Variants in PPP4R3B observed in about 807,000 individuals in gnomAD.
PPP4R3B encodes serine/threonine-protein phosphatase 4 regulatory subunit 3B.
In PPP4R3B, 52 loss-of-function variants were observed where a neutral mutation model predicts 95.4. That is an observed-to-expected ratio of 0.54 (90% CI 0.44 to 0.69). The LOEUF is 0.69. Ranked by LOEUF, PPP4R3B falls within the 30% of genes least tolerant of loss-of-function variation. The pLI is 0.00. For missense variants in PPP4R3B, 1,003 were observed against 1,005.9 expected (o/e 1.00, Z 0.04); for synonymous variants, 407 against 343.9 (o/e 1.18, Z -2.03).
intron 12 of PPP4R3B, among the ~76,000 whole-genome samples, chr2:55,570,140 C>T (rs1164303008): frequency 6.6e-6 from 1 of 152,104 alleles, no homozygotes; most frequent in Admixed American, 6.5e-5. Flanking sequence ...GTCCCAGCTA[C>T]TCGGGAGGCT....
At chr2:55,614,153 G>GT (rs1694579407) in intron 2 of PPP4R3B, 2 of 152,284 alleles carry the variant, frequency 1.3e-5, no homozygotes, top group South Asian at 4.1e-4. Flanking sequence ...TGTTCTAACA[G>GT]TAAGACTTTG....
At chr2:55,562,323 G>A (rs2103902736) in intron 15 of PPP4R3B, among the ~76,000 whole-genome samples, 1 of 152,288 alleles carries the variant, frequency 6.6e-6, no homozygotes, top group Non-Finnish European at 1.5e-5. Flanking sequence ...TTGAGAGGCT[G>A]AGGCAGGAGA....
At chr2:55,563,182 CT>C (rs1686846419) in intron 15 of PPP4R3B, among the ~76,000 whole-genome samples, 1 of 152,170 alleles carries the variant, frequency 6.6e-6, no homozygotes, top group Non-Finnish European at 1.5e-5. Context: ...TTTTAATAAG[CT>C]TTTTGCTCCG....
At chr2:55,555,640 C>T (rs987374688) in intron 16 of PPP4R3B, among the ~76,000 whole-genome samples, 4 of 152,080 alleles carry the variant, frequency 2.6e-5, no homozygotes, top group South Asian at 2.1e-4. Flanking sequence ...GAAATACACA[C>T]GTATATGAAA....
At chr2:55,594,650 G>A (rs532426616) in intron 4 of PPP4R3B, among the ~76,000 whole-genome samples, 5 of 152,300 alleles carry the variant, frequency 3.3e-5, no homozygotes, top group Admixed American at 1.3e-4. Context: ...AGCTACATAT[G>A]AGCTTCTGTT....
intron 11 of PPP4R3B, 117 bp downstream of exon 11, chr2:55,577,198 T>C: frequency 2.4e-6 from 3 of 1,269,400 alleles, no homozygotes; most frequent in Non-Finnish European, 3.1e-6. Context: ...AATTTCTTCT[T>C]GGATTTTGTT....
intron 16 of PPP4R3B, among the ~76,000 whole-genome samples, chr2:55,555,001 C>T (rs972231986): frequency 3.9e-5 from 6 of 152,086 alleles, no homozygotes; most frequent in Admixed American, 6.5e-5. Context: ...GGTATTGTGG[C>T]CGGGCGCGGT....
At chr2:55,553,301 T>C (rs1685455940) in intron 16 of PPP4R3B, among the ~76,000 whole-genome samples, 1 of 152,168 alleles carries the variant, frequency 6.6e-6, no homozygotes, top group Non-Finnish European at 1.5e-5. Context: ...CTAACAACCA[T>C]TCTTATACTT....
At chr2:55,579,405 TTC>T (rs1056213153) in intron 9 of PPP4R3B, among the ~76,000 whole-genome samples, 3 of 108 alleles carry the variant, frequency 0.028, no homozygotes, top group Non-Finnish European at 0.056. Context: ...TTGCCACATT[TTC>T]TTTTTTTTCT....
At position 55,611,220 on chromosome 2, in the gene PPP4R3B, G is replaced by C. The variant is rs546105961; in HGVS notation, c.198+4231C>G. Among the ~76,000 whole-genome samples, 82 of 152,094 alleles carry C rather than the reference G, an allele frequency of 5.4e-4. 1 individual carries two copies. Among genetic ancestry groups the C allele is most frequent in the African/African-American group, 1.9e-3 (80 of 41,478 alleles). On this transcript the variant is annotated intron_variant, in intron 2 of 16. Transcript: ENST00000616407. ...GGCTGGGGTGCAATGGCTACGCACA[G>C]GCACAATCATAGCACCCTACAGCCT...
At chr2:55,609,078 A>T (rs544521502) in intron 2 of PPP4R3B, among the ~76,000 whole-genome samples, 3 of 152,354 alleles carry the variant, frequency 2.0e-5, no homozygotes, top group African/African-American at 7.2e-5. Flanking sequence ...ATGTGGTCAG[A>T]TCAACAAGAC....
intron 4 of PPP4R3B, chr2:55,591,662 A>G (rs1027668808): frequency 1.0e-6 from 1 of 984,692 alleles, no homozygotes; most frequent in Non-Finnish European, 1.2e-6. Context: ...AATTCTTCTT[A>G]TATGATTCGG....
intron 2 of PPP4R3B, among the ~76,000 whole-genome samples, chr2:55,610,693 G>A (rs1350309399): frequency 6.6e-6 from 1 of 152,188 alleles, no homozygotes; most frequent in East Asian, 1.9e-4. Flanking sequence ...TGTGTGAAAT[G>A]CTTTCACGGG....
At chr2:55,576,283 G>C (rs1357727378) in intron 11 of PPP4R3B, among the ~76,000 whole-genome samples, 1 of 152,108 alleles carries the variant, frequency 6.6e-6, no homozygotes, top group African/African-American at 2.4e-5. Flanking sequence ...AGAAGGTGGA[G>C]GTTGCAGTGA....
intron 2 of PPP4R3B, chr2:55,615,231 T>C (rs1694724632): frequency 2.0e-6 from 1 of 494,182 alleles, no homozygotes; most frequent in Non-Finnish European, 3.6e-6. Flanking sequence ...TAAATACATC[T>C]TAGAATAAAC....
chr2:55,615,563 A>C, intron 1 of PPP4R3B, 57 bp from the exon 2 acceptor site: 1 of 1,290,042 alleles, frequency 7.8e-7, no homozygotes, highest in South Asian at 1.3e-5. Context: ...CTGAATAAAA[A>C]TTAGAATACA....
At chr2:55,597,282 T>C (rs977105189) in intron 4 of PPP4R3B, among the ~76,000 whole-genome samples, 3 of 151,556 alleles carry the variant, frequency 2.0e-5, no homozygotes, top group African/African-American at 4.9e-5. Flanking sequence ...AGGTTGGGAG[T>C]TCGAGACCAG....
intron 2 of PPP4R3B, among the ~76,000 whole-genome samples, chr2:55,608,626 T>C (rs1366884376): frequency 6.6e-6 from 1 of 152,186 alleles, no homozygotes; most frequent in East Asian, 1.9e-4. Flanking sequence ...TTCCACAGAT[T>C]GATACTATTA....
intron 16 of PPP4R3B, among the ~76,000 whole-genome samples, chr2:55,558,429 G>A (rs1039042970): frequency 6.6e-6 from 1 of 152,082 alleles, no homozygotes; most frequent in African/African-American, 2.4e-5. Flanking sequence ...CCAACATGGT[G>A]AAACCTCGTC....
Sources: allele counts gnomAD v4.1 joint callset (sites outside exome capture counted in the v4.1 genomes callset), GRCh38; gene constraint gnomAD v4.1.1; transcripts MANE v1.5; gene names NCBI Gene and HGNC (gene_info 2026-07-23, HGNC 2026-07-21).